Variants in RAP1GAP2 observed in about 807,000 individuals in gnomAD.
The protein encoded by RAP1GAP2 is rap1 GTPase-activating protein 2.
RAP1GAP2 carries 27 observed loss-of-function variants against 95.0 expected under a neutral mutation model. That is an observed-to-expected ratio of 0.28 (90% CI 0.21 to 0.39). RAP1GAP2 has a LOEUF of 0.39. Ranked by LOEUF, RAP1GAP2 falls within the 10% of genes least tolerant of loss-of-function variation. The pLI is 1.00. For synonymous variants in RAP1GAP2, 373 were observed against 380.9 expected (o/e 0.98, Z 0.24); for missense variants, 771 against 970.0 (o/e 0.79, Z 2.72).
chr17:2,757,900 C>T (rs1430643663), intron 1 of RAP1GAP2, among the ~76,000 whole-genome samples: 1 of 150,494 alleles, frequency 6.6e-6, no homozygotes, highest in Non-Finnish European at 1.5e-5. Flanking sequence ...GATGGAGTCT[C>T]ACACTGTCAC....
At position 3,008,957 on chromosome 17, in the gene RAP1GAP2, C is replaced by T. The variant is rs969108244; in HGVS notation, c.1494+812C>T. Reference sequence around the variant, plus strand: ...TTACACCGAGGCAGAGTTAGAGCCTCATTTCAAACGCAGGTCTTCTGATTC... The same window carrying T: ...TTACACCGAGGCAGAGTTAGAGCCTTATTTCAAACGCAGGTCTTCTGATTC... On this transcript the variant is annotated intron_variant, in intron 17 of 24. Coordinates refer to ENST00000254695, the MANE Select transcript of RAP1GAP2 (RefSeq NM_015085.5). The surrounding 1 kb of genome is among the most constrained non-coding windows in gnomAD (Gnocchi z 4.2). Among the ~76,000 whole-genome samples, 12 of 152,172 alleles carry T rather than the reference C, an allele frequency of 7.9e-5. No homozygotes were observed. Among genetic ancestry groups the T allele is most frequent in the Non-Finnish European group, 1.3e-4 (9 of 68,040 alleles).
intron 3 of RAP1GAP2, among the ~76,000 whole-genome samples, chr17:2,944,995 G>T (rs2043651447): frequency 6.6e-6 from 1 of 151,996 alleles, no homozygotes; most frequent in African/African-American, 2.4e-5. Context: ...TCATTCTCCT[G>T]CCTCAGTAGC....
chr17:2,770,253 G>C (rs1405755797), intron 1 of RAP1GAP2: 1 of 398,038 alleles, frequency 2.5e-6, no homozygotes, highest in South Asian at 1.3e-4. Context: ...GCAATTCTCC[G>C]GCAAGCAGGG....
chr17:2,785,113 T>G (rs2068742744), intron 1 of RAP1GAP2, among the ~76,000 whole-genome samples: 1 of 152,082 alleles, frequency 6.6e-6, no homozygotes, highest in South Asian at 2.1e-4. Flanking sequence ...GTGGCCCAGG[T>G]TAGGGCTGCT....
At chr17:2,893,165 T>A (rs1053328667) in intron 2 of RAP1GAP2, among the ~76,000 whole-genome samples, 1 of 152,054 alleles carries the variant, frequency 6.6e-6, no homozygotes, top group African/African-American at 2.4e-5. Flanking sequence ...CTAGCTGGGA[T>A]TACAGGCACC....
intron 3 of RAP1GAP2, among the ~76,000 whole-genome samples, chr17:2,914,366 A>G (rs2151751158): frequency 6.6e-6 from 1 of 152,292 alleles, no homozygotes; most frequent in East Asian, 1.9e-4. Flanking sequence ...ATGACTAATG[A>G]TGTTGAATAT....
intron 1 of RAP1GAP2, 73 bp from the exon 2 acceptor site, chr17:2,800,425 TTGGGCTGTCCCGGGGAC>T (rs2069235144): frequency 6.9e-7 from 1 of 1,455,828 alleles, no homozygotes; most frequent in East Asian, 2.5e-5. Flanking sequence ...GTCTGGTGGT[TTGGGCTGTCCCGGGGAC>T]TCCTCCATAC....
At chr17:2,958,118 T>C (rs2044188224) in intron 4 of RAP1GAP2, among the ~76,000 whole-genome samples, 1 of 151,604 alleles carries the variant, frequency 6.6e-6, no homozygotes, top group Non-Finnish European at 1.5e-5. Context: ...AAAGAAGGCC[T>C]GAAAGAACTA....
chr17:2,755,855 A>G (rs2071129346), intron 1 of RAP1GAP2: 1 of 328,918 alleles, frequency 3.0e-6, no homozygotes, highest in South Asian at 1.4e-4. Flanking sequence ...CGCGGGCCCA[A>G]AGTTTCGTCC....
chr17:2,775,500 G>A (rs760796056), upstream of RAP1GAP2, among the ~76,000 whole-genome samples: 5 of 151,924 alleles, frequency 3.3e-5, no homozygotes, highest in Non-Finnish European at 7.4e-5. Context: ...GAGGGGGCAC[G>A]GGGCATGGGG....
At position 2,857,079 on chromosome 17, in the gene RAP1GAP2, C is replaced by T. The variant is rs533887168; in HGVS notation, c.81-48205C>T. Among the ~76,000 whole-genome samples, 27 of 152,290 alleles carry T rather than the reference C, an allele frequency of 1.8e-4. No homozygotes were observed. Among genetic ancestry groups the T allele is most frequent in the African/African-American group, 5.5e-4 (23 of 41,562 alleles). On this transcript the variant is annotated intron_variant, in intron 2 of 24. Transcript: ENST00000254695. The surrounding 1 kb of genome is among the most constrained non-coding windows in gnomAD (Gnocchi z 4.0). ...AGCATCCCCCATACTCCATGCTGGGCGTTACATTTGATGAGCTCTTCCTTC... is the reference window on the plus strand; with the variant it reads ...AGCATCCCCCATACTCCATGCTGGGTGTTACATTTGATGAGCTCTTCCTTC...
At position 2,824,668 on chromosome 17, in the gene RAP1GAP2, A is replaced by AAT. The variant is rs1412642861; in HGVS notation, c.80+24118_80+24119insAT. 2.8e-4 allele frequency among the ~76,000 whole-genome samples: 39 copies of AAT among 138,982 alleles called. No individual in the cohort carries two copies. In the South Asian group the frequency reaches 9.5e-3, roughly 34 times the overall value. 91.2% of individuals were successfully genotyped at this position (138,982 alleles called of 152,430 possible). A position where few individuals can be genotyped will look rare whatever the true frequency, so the allele number is the denominator to read the frequency against. ...GGCAGGAGAATTGCTTGAACCTGGG[A>AAT]GGCGGAGGTTGCAGTGAGCCGAGAT... On this transcript the variant is annotated intron_variant, in intron 2 of 24. Coordinates refer to ENST00000254695, the MANE Select transcript of RAP1GAP2 (RefSeq NM_015085.5).
chr17:2,931,824 C>T (rs895609281), intron 3 of RAP1GAP2, among the ~76,000 whole-genome samples: 2 of 152,206 alleles, frequency 1.3e-5, no homozygotes, highest in Non-Finnish European at 2.9e-5. Flanking sequence ...CTTGCTCAGC[C>T]TTCCTCTTCC....
intron 19 of RAP1GAP2, among the ~76,000 whole-genome samples, chr17:3,023,023 G>A (rs939017557): frequency 3.9e-5 from 6 of 152,234 alleles, no homozygotes; most frequent in African/African-American, 1.4e-4. Flanking sequence ...AAATGATCAT[G>A]TGGTTTTTGT....
intron 2 of RAP1GAP2, among the ~76,000 whole-genome samples, chr17:2,896,198 AG>A: frequency 6.6e-6 from 1 of 152,230 alleles, no homozygotes; most frequent in Admixed American, 6.5e-5. Context: ...CGGGTCTTTC[AG>A]GTGGGTGTGC....
intron 2 of RAP1GAP2, among the ~76,000 whole-genome samples, chr17:2,884,372 G>GTTGTTT (rs2073409073): frequency 8.1e-6 from 1 of 123,738 alleles, no homozygotes; most frequent in African/African-American, 3.0e-5. Context: ...TTCTTGAGTT[G>GTTGTTT]TTTTTTTTTT....
At chr17:2,831,733 A>G (rs2151546786) in intron 2 of RAP1GAP2, among the ~76,000 whole-genome samples, 1 of 151,998 alleles carries the variant, frequency 6.6e-6, no homozygotes, top group East Asian at 1.9e-4. Context: ...CCTCATCTCT[A>G]CTAAAAATAA....
rs972192615 is a variant in RAP1GAP2 at position 2,902,595 on chromosome 17, G to A, written c.81-2689G>A. On this transcript the variant is annotated intron_variant, in intron 2 of 24. Coordinates refer to ENST00000254695, the MANE Select transcript of RAP1GAP2 (RefSeq NM_015085.5). This position sits in a 1 kb window ranked among gnomAD's most constrained non-coding sequence, Gnocchi z 4.1. The stretch of plus-strand genomic sequence containing the variant: ...CCCCCTCTGGAGTCCTGGACACAGC[G>A]CTGGAGCTTGCATGAGGCTGGTCAC... 2.8e-4 allele frequency among the ~76,000 whole-genome samples: 42 copies of A among 152,162 alleles called. No individual in the cohort carries two copies. Among genetic ancestry groups the A allele is most frequent in the African/African-American group, 9.7e-4 (40 of 41,438 alleles).
chr17:2,963,600 C>A lies in RAP1GAP2; in HGVS notation c.279+138C>A. The A allele has an allele frequency of 8.4e-7, 1 of 1,189,336 alleles. No individual in the cohort carries two copies. The highest frequency in any genetic ancestry group is 1.2e-6 in the Non-Finnish European group (1 of 816,070). The allele number at this position is 1,189,336 out of a possible 1,614,324, so 73.7% of individuals were successfully genotyped here. On this transcript the variant is annotated intron_variant, in intron 6 of 24. Transcript: ENST00000254695. This position sits in a 1 kb window ranked among gnomAD's most constrained non-coding sequence, Gnocchi z 4.8. ...CTGGGACCTCTCTTCCTGTCTTTGC[C>A]TTTGTAACCTCAGCTTCTCCATGTG...
Sources: gnomAD v4.1 joint callset for allele counts (sites outside exome capture counted in the v4.1 genomes callset) on GRCh38, gnomAD v4.1.1 for gene constraint, Gnocchi (gnomAD v3.1) non-coding constraint, MANE v1.5 for transcripts, NCBI Gene and HGNC (gene_info 2026-07-23, HGNC 2026-07-21) for gene names.